The following DIP2A variants were observed in gnomAD, a reference collection of about 807,000 sequenced individuals.
DIP2A encodes the protein DIP2 acetate--CoA ligase A.
A neutral mutation model predicts 177.4 loss-of-function variants in DIP2A; 85 were observed. The observed-to-expected ratio is 0.48, with a 90% CI of 0.40 to 0.57. The LOEUF (loss-of-function observed/expected upper bound fraction) is 0.57, where lower values mean the gene tolerates loss of function less well. DIP2A is among the 20% of genes least tolerant of loss of function. The pLI, the probability that DIP2A is intolerant of heterozygous loss-of-function variation, is 0.00. For missense variants in DIP2A, 1,791 were observed against 2,100.2 expected, an observed-to-expected ratio of 0.85 and a Z score of 2.88; for synonymous variants, 886 against 881.8, an observed-to-expected ratio of 1.00 and a Z score of -0.08.
chr21:46,504,640 T>A, intron 6 of DIP2A, 151 bp downstream of exon 6: 1 of 542,464 alleles, frequency 1.8e-6, no homozygotes, highest in South Asian at 8.0e-5. Flanking sequence ...TGTGTGCAGT[T>A]AATGTTATAG....
intron 2 of DIP2A, 115 bp from the exon 3 acceptor site, chr21:46,490,485 C>T (rs759330937): frequency 1.6e-4 from 205 of 1,253,404 alleles, no homozygotes; most frequent in Non-Finnish European, 2.1e-4. Flanking sequence ...AGATTAAAGG[C>T]TCTTTGATAG....
chr21:46,495,244 T>TTCTTTCTCTC (rs2057274679), intron 3 of DIP2A, among the ~76,000 whole-genome samples: 15 of 38,182 alleles, frequency 3.9e-4, no homozygotes, highest in South Asian at 2.5e-3. Context: ...CTTCTCTTCT[T>TTCTTTCTCTC]TCTCTCTCTC....
chr21:46,573,934 A>G (rs1001631736), downstream of DIP2A, among the ~76,000 whole-genome samples: 1 of 152,154 alleles, frequency 6.6e-6, no homozygotes, highest in African/African-American at 2.4e-5. Context: ...CCCTGCTTTG[A>G]ATAATGGATG....
At chr21:46,509,461 A>G in intron 7 of DIP2A, 85 bp downstream of exon 7, 13 of 1,488,756 alleles carry the variant, frequency 8.7e-6, no homozygotes, top group Non-Finnish European at 1.2e-5. Context: ...TGTATATTAT[A>G]CATGGATATT....
At chr21:46,477,406 AATCCCAGCTACTT>A (rs1226511869) in intron 1 of DIP2A, among the ~76,000 whole-genome samples, 6 of 151,418 alleles carry the variant, frequency 4.0e-5, no homozygotes, top group African/African-American at 9.7e-5. Flanking sequence ...AGGCGCCTGT[AATCCCAGCTACTT>A]GGGAGGCTGA....
rs2060462737 is a variant in DIP2A, at chr21:46,556,220, T to C, written c.3498+129T>C. ...AAGCACAAAGCAACAATTTTGCTTC[T>C]TAAGATTTGTGTTAAATACCAATAA... is the stretch of plus-strand genomic sequence containing the variant. On this transcript the variant is annotated intron_variant, in intron 29 of 37. Transcript: ENST00000417564. The surrounding 1 kb of genome is among the most constrained non-coding windows in gnomAD (Gnocchi z 4.5). The C allele has an allele frequency of 7.0e-7, 1 of 1,428,884 alleles. No homozygotes were observed. Among genetic ancestry groups the C allele is most frequent in the Non-Finnish European group, 9.7e-7 (1 of 1,030,284 alleles). The allele number at this position is 1,428,884 out of a possible 1,614,324, so 88.5% of individuals were successfully genotyped here.
intron 35 of DIP2A, among the ~76,000 whole-genome samples, chr21:46,564,298 G>A (rs570067891): frequency 5.3e-5 from 8 of 152,292 alleles, no homozygotes; most frequent in East Asian, 1.9e-4. Flanking sequence ...GCACAGACAC[G>A]GGGAACTGGC....
chr21:46,560,760 C>T lies in DIP2A; in HGVS notation c.4008C>T (p.Asp1336=), dbSNP rs1321068545. ...CGGACCCCACAACCGTCTACGTGGA[C>T]ATGCGGGCACTGCGCCATGACAGGT... is the stretch of plus-strand genomic sequence containing the variant. ...AGPDPTTVYV[D]MRALRHDRVR... Residue 1336 remains aspartate (D), a synonymous_variant, in exon 33 of 38, where the codon GAC becomes GAT. Coordinates refer to ENST00000417564, the MANE Select transcript of DIP2A (RefSeq NM_015151.4). 4 of 1,608,742 alleles carry T rather than the reference C, an allele frequency of 2.5e-6. No individual in the cohort carries two copies. In the Admixed American group the frequency reaches 5.1e-5, roughly 20 times the overall value.
At chr21:46,517,547 G>A (rs182151380) in intron 8 of DIP2A, among the ~76,000 whole-genome samples, 22 of 152,290 alleles carry the variant, frequency 1.4e-4, no homozygotes, top group African/African-American at 5.3e-4. Context: ...TGGCTCTCCT[G>A]GGCTTTCTGC....
At chr21:46,474,304 T>C (rs977619970) in intron 1 of DIP2A, among the ~76,000 whole-genome samples, 2 of 152,200 alleles carry the variant, frequency 1.3e-5, no homozygotes, top group Admixed American at 6.5e-5. Flanking sequence ...ATGAGTCTAG[T>C]ACTTTCTAGA....
At chr21:46,489,444 CT>C (rs1379665717) in intron 2 of DIP2A, among the ~76,000 whole-genome samples, 8 of 152,218 alleles carry the variant, frequency 5.3e-5, no homozygotes, top group Admixed American at 5.2e-4. Flanking sequence ...CTCCCCACCC[CT>C]GCCTGTGTCT....
Position 46,563,737 on chromosome 21 carries a change from C to T in DIP2A, c.4090-121C>T. The T allele has an allele frequency of 1.4e-6, 2 of 1,424,520 alleles. No individual in the cohort carries two copies. The highest frequency in any genetic ancestry group is 1.8e-6 in the Non-Finnish European group (2 of 1,081,478). 88.2% of individuals were successfully genotyped at this position (1,424,520 alleles called of 1,614,324 possible). A position where few individuals can be genotyped will look rare whatever the true frequency, so the allele number is the denominator to read the frequency against. On this transcript the variant is annotated intron_variant, in intron 34 of 37. Coordinates refer to ENST00000417564, the MANE Select transcript of DIP2A (RefSeq NM_015151.4). The surrounding 1 kb of genome is among the most constrained non-coding windows in gnomAD (Gnocchi z 4.3). Reference sequence around the variant, plus strand: ...TGGAGCGGCCTCTAAACTTCCTGACCTGACATGAGCACATCAGTCCTGCAG... The same window carrying T: ...TGGAGCGGCCTCTAAACTTCCTGACTTGACATGAGCACATCAGTCCTGCAG...
At chr21:46,494,693 A>G (rs1247871574) in intron 3 of DIP2A, among the ~76,000 whole-genome samples, 1 of 152,206 alleles carries the variant, frequency 6.6e-6, no homozygotes, top group Non-Finnish European at 1.5e-5. Flanking sequence ...ATGGCAACCA[A>G]TTGATTGCGT....
At chr21:46,475,102 G>A (rs899728249) in intron 1 of DIP2A, among the ~76,000 whole-genome samples, 1 of 152,144 alleles carries the variant, frequency 6.6e-6, no homozygotes, top group Non-Finnish European at 1.5e-5. Context: ...CTTCCTAACT[G>A]TTCAGTTGAA....
intron 8 of DIP2A, among the ~76,000 whole-genome samples, chr21:46,527,585 C>G (rs1196655519): frequency 6.6e-6 from 1 of 152,026 alleles, no homozygotes; most frequent in African/African-American, 2.4e-5. Flanking sequence ...CTTGGCCTCC[C>G]AAAGTGCTGG....
intron 33 of DIP2A, 163 bp downstream of exon 33, chr21:46,560,946 C>T: frequency 2.0e-6 from 2 of 985,380 alleles, no homozygotes; most frequent in Non-Finnish European, 2.4e-6. Context: ...GGACAGCTGG[C>T]TACATTGGGC....
chr21:46,537,309 A>G lies in DIP2A; in HGVS notation c.1707+21A>G, dbSNP rs965735352. The G allele has an allele frequency of 6.2e-7, 1 of 1,613,654 alleles. No individual in the cohort carries two copies. Among genetic ancestry groups the G allele is most frequent in the African/African-American group, 1.3e-5 (1 of 74,916 alleles). On this transcript the variant is annotated intron_variant, in intron 14 of 37. Coordinates refer to ENST00000417564, the MANE Select transcript of DIP2A (RefSeq NM_015151.4). This position sits in a 1 kb window ranked among gnomAD's most constrained non-coding sequence, Gnocchi z 4.1. ...TAACAGTGAGTGTTGTTTGCTGATG[A>G]CTAACTGTTGGAACAAGGGATTGAG...
At chr21:46,525,721 A>T (rs893884389) in intron 8 of DIP2A, 15 of 152,094 alleles carry the variant, frequency 9.9e-5, no homozygotes, top group African/African-American at 2.9e-4. Flanking sequence ...TTCCATATTT[A>T]AAAAACTGAA....
the DIP2A span, among the ~76,000 whole-genome samples, chr21:46,580,344 A>G: frequency 2.0e-5 from 3 of 152,066 alleles, no homozygotes; most frequent in Admixed American, 1.3e-4. Flanking sequence ...GTGTCTTTGC[A>G]TGTGAGAGGG....
Sources: gnomAD v4.1 joint callset for allele counts (sites outside exome capture counted in the v4.1 genomes callset) on GRCh38, gnomAD v4.1.1 for gene constraint, Gnocchi (gnomAD v3.1) non-coding constraint, MANE v1.5 for transcripts, NCBI Gene and HGNC (gene_info 2026-07-23, HGNC 2026-07-21) for gene names.